The following MYO18B variants were observed in gnomAD, a reference collection of about 807,000 sequenced individuals.
The protein encoded by MYO18B is myosin XVIIIB, also known as unconventional myosin-XVIIIb.
MYO18B carries 204 observed loss-of-function variants against 273.0 expected under a neutral mutation model. That is an observed-to-expected ratio of 0.75 (90% confidence interval 0.67 to 0.84). MYO18B has a LOEUF of 0.84. MYO18B is among the 40% of genes least tolerant of loss of function. The probability of loss-of-function intolerance (pLI) is 0.00; values close to 1 mark genes in which losing one functional copy is unlikely to be tolerated. For synonymous variants in MYO18B, 1,330 were observed against 1,305.7 expected, an observed-to-expected ratio of 1.02 and a Z score of -0.40; for missense variants, 3,212 against 3,287.6, an observed-to-expected ratio of 0.98 and a Z score of 0.56.
At chr22:25,793,977 A>C (rs200006312) in intron 11 of MYO18B, among the ~76,000 whole-genome samples, 1 of 151,636 alleles carries the variant, frequency 6.6e-6, no homozygotes, top group East Asian at 1.9e-4. Flanking sequence ...TCTGTCGCCC[A>C]GGCTGGAGTG....
downstream of MYO18B, among the ~76,000 whole-genome samples, chr22:26,034,506 G>A (rs1304959939): frequency 6.6e-6 from 1 of 152,224 alleles, no homozygotes; most frequent in Non-Finnish European, 1.5e-5. Context: ...TTGGCAGATA[G>A]CCTGCAGTAA....
At chr22:25,788,908 G>T (rs796547543) in intron 11 of MYO18B, among the ~76,000 whole-genome samples, 13 of 152,250 alleles carry the variant, frequency 8.5e-5, no homozygotes, top group African/African-American at 2.9e-4. Flanking sequence ...CTTGGGCCTC[G>T]ATTTTTTCCT....
At chr22:25,829,852 A>G (rs2089643340) in intron 15 of MYO18B, among the ~76,000 whole-genome samples, 1 of 151,460 alleles carries the variant, frequency 6.6e-6, no homozygotes, top group Non-Finnish European at 1.5e-5. Context: ...AATAATAATA[A>G]TAATATAAAA....
chr22:25,749,861 T>C (rs190186511), intron 1 of MYO18B, among the ~76,000 whole-genome samples: 2 of 152,240 alleles, frequency 1.3e-5, no homozygotes, highest in East Asian at 3.9e-4. Flanking sequence ...GATGCAATGG[T>C]AGCATTAAGG....
chr22:25,781,978 C>G (rs1471884455), intron 10 of MYO18B, 144 bp downstream of exon 10: 3 of 558,564 alleles, frequency 5.4e-6, no homozygotes, highest in Admixed American at 3.9e-5. Context: ...TTCCAGCTGT[C>G]TGGGTACACG....
chr22:25,842,981 G>A (rs1005275908), intron 17 of MYO18B, among the ~76,000 whole-genome samples: 3 of 152,132 alleles, frequency 2.0e-5, no homozygotes, highest in African/African-American at 7.2e-5. Context: ...ACCATTATGT[G>A]CCCGGACACT....
rs539578908 is a variant in MYO18B, at chr22:25,785,039, C to T, written c.2313-389C>T. ...CTGTAAAATGGAAATAATATTTGTACCCATGGAGTGGGGCTGTCATGAGTC... is the reference window on the plus strand; with the variant it reads ...CTGTAAAATGGAAATAATATTTGTATCCATGGAGTGGGGCTGTCATGAGTC... On this transcript the variant is annotated intron_variant, in intron 10 of 43. Transcript: ENST00000335473. Among the ~76,000 whole-genome samples, 9 of 152,230 alleles carry T rather than the reference C, an allele frequency of 5.9e-5. No individual in the cohort carries two copies. The South Asian group carries it at 1.9e-3, about 32-fold the overall frequency.
intron 42 of MYO18B, among the ~76,000 whole-genome samples, chr22:26,021,136 G>T (rs763427442): frequency 1.5e-4 from 23 of 152,130 alleles, no homozygotes; most frequent in Non-Finnish European, 3.2e-4. Context: ...AGACAGAGCT[G>T]GGATTTGAAC....
chr22:26,001,906 G>T (rs1376138190), intron 40 of MYO18B, among the ~76,000 whole-genome samples: 1 of 152,206 alleles, frequency 6.6e-6, no homozygotes. Context: ...TAGCTATTGG[G>T]CTATAAAGAC....
chr22:25,768,114 G>T lies in MYO18B; in HGVS notation c.199-1G>T. The T allele has an allele frequency of 6.3e-7, 1 of 1,589,722 alleles. No individual in the cohort carries two copies. The highest frequency in any genetic ancestry group is 1.2e-5 in the South Asian group (1 of 86,926). ...AGGCATGGTTGTGTTCTTTCTCCCA[G>T]ATCCCAGAAATTTCCATCAGCCAAC... On this transcript the variant is annotated splice_acceptor_variant, in intron 3 of 43. Transcript: ENST00000335473. LOFTEE classifies it high-confidence loss of function.
chr22:25,950,517 G>GTTGTGTGTGTGTGTGTGTGT, intron 37 of MYO18B, 67 bp downstream of exon 37: 1 of 245,070 alleles, frequency 4.1e-6, no homozygotes, highest in East Asian at 3.9e-5. Context: ...GAACTAATAG[G>GTTGTGTGTGTGTGTGTGTGT]ATGTGTGTGT....
In MYO18B at chr22:25,846,104, G is replaced by A. The variant is rs1333616992; in HGVS notation, c.3373G>A (p.Glu1125Lys). ...PQVLHQSKRE[E>K]LRSLFQARAK... ...CTTTTCCCTCCTCCCCACCAGAGAG[G>A]AGCTGCGGAGTCTATTCCAGGCCCG... Residue 1125 changes from glutamate (E) to lysine (K), a missense_variant, in exon 19 of 44, where the codon GAG becomes AAG. Physicochemically the swap from Glu to Lys is moderately conservative, Grantham distance 56 (BLOSUM62 1). Transcript: ENST00000335473. 6.4e-7 allele frequency: 1 copy of A among 1,554,924 alleles called. No individual in the cohort carries two copies. The highest frequency in any genetic ancestry group is 8.7e-7 in the Non-Finnish European group (1 of 1,154,888).
At chr22:26,021,443 T>C (rs1286457458) in intron 42 of MYO18B, among the ~76,000 whole-genome samples, 1 of 152,254 alleles carries the variant, frequency 6.6e-6, no homozygotes, top group East Asian at 1.9e-4. Flanking sequence ...TTCACTCATG[T>C]ATCCAACACA....
rs1229156899 is a variant in MYO18B at position 25,768,939 on chromosome 22, C to A, written c.1023C>A (p.Leu341=). 6.2e-7 allele frequency: 1 copy of A among 1,612,156 alleles called. No individual in the cohort carries two copies. Among genetic ancestry groups the A allele is most frequent in the Admixed American group, 1.7e-5 (1 of 59,714 alleles). The change falls in exon 4 of 44, where the codon CTC becomes CTA. Residue 341 remains leucine, a synonymous_variant. Transcript: ENST00000335473. ...PQNKKDKEGV[L]LSKAEKTGEP... Reference sequence around the variant, plus strand: ...ATAAGAAGGACAAAGAAGGGGTGCTCTTAAGTAAGGCAGAGAAGACAGGTG... The same window carrying A: ...ATAAGAAGGACAAAGAAGGGGTGCTATTAAGTAAGGCAGAGAAGACAGGTG...
At chr22:25,898,802 A>G in intron 29 of MYO18B, 4 of 231,142 alleles carry the variant, frequency 1.7e-5, no homozygotes, top group East Asian at 1.0e-4. Flanking sequence ...CCAGGCATTG[A>G]TATAAAAGTC....
intron 12 of MYO18B, among the ~76,000 whole-genome samples, chr22:25,802,675 C>A (rs1412386339): frequency 2.0e-5 from 3 of 150,790 alleles, no homozygotes; most frequent in Non-Finnish European, 4.4e-5. Context: ...ATGGCGTGAA[C>A]CCGGGAGGCA....
the MYO18B span, among the ~76,000 whole-genome samples, chr22:26,041,394 T>C: frequency 6.9e-6 from 1 of 145,930 alleles, no homozygotes; most frequent in Non-Finnish European, 1.5e-5. Context: ...AAATTAGGCA[T>C]GGTGGCACAT....
intron 12 of MYO18B, among the ~76,000 whole-genome samples, chr22:25,801,533 G>A (rs5761209): frequency 0.067 from 10,161 of 152,230 alleles, 589 homozygotes; most frequent in East Asian, 0.21. Flanking sequence ...GAAGGAGTCA[G>A]TGGCAAAAAC....
chr22:25,967,422 C>T (rs1386009951), intron 39 of MYO18B, among the ~76,000 whole-genome samples: 2 of 152,078 alleles, frequency 1.3e-5, no homozygotes, highest in African/African-American at 4.8e-5. Context: ...TCCAGGGGGC[C>T]CCAAATCAGA....
Sources: allele counts gnomAD v4.1 joint callset (sites outside exome capture counted in the v4.1 genomes callset), GRCh38; gene constraint gnomAD v4.1.1; transcripts MANE v1.5; gene names NCBI Gene and HGNC (gene_info 2026-07-23, HGNC 2026-07-21).